NRG3: variants seen among roughly 807,000 people sequenced by gnomAD.
The protein encoded by NRG3 is pro-neuregulin-3, membrane-bound isoform.
Under a neutral mutation model 66.9 loss-of-function variants are expected in NRG3, and 31 were observed. The ratio of observed to expected loss-of-function variants is 0.46; its 90% CI spans 0.35 to 0.63. The LOEUF (loss-of-function observed/expected upper bound fraction) is 0.63. Among genes scored for constraint, NRG3 ranks in the 20% least tolerant of loss-of-function variants. NRG3 has a pLI of 0.00. For missense variants in NRG3, 910 were observed against 878.9 expected, an observed-to-expected ratio of 1.04 and a Z score of -0.45; for synonymous variants, 393 against 359.4, an observed-to-expected ratio of 1.09 and a Z score of -1.06.
At chr10:82,580,577 C>A (rs955097784) in intron 2 of NRG3, among the ~76,000 whole-genome samples, 2 of 151,966 alleles carry the variant, frequency 1.3e-5, no homozygotes, top group African/African-American at 4.8e-5. Context: ...TGGTTCCTGG[C>A]AACTACTGAT....
At chr10:82,143,090 A>G (rs75320015) in intron 1 of NRG3, among the ~76,000 whole-genome samples, 1,523 of 151,788 alleles carry the variant, frequency 0.01, 15 homozygotes, top group Non-Finnish European at 0.014. Context: ...TTTTAATAAC[A>G]CAAAGACCAA....
At chr10:82,416,766 G>C (rs1050613427) in intron 2 of NRG3, among the ~76,000 whole-genome samples, 7 of 152,094 alleles carry the variant, frequency 4.6e-5, no homozygotes, top group Non-Finnish European at 7.3e-5. Flanking sequence ...CCTTTGCGTA[G>C]AGGATACCTG....
intron 2 of NRG3, among the ~76,000 whole-genome samples, chr10:82,502,575 A>G (rs754017974): frequency 5.9e-5 from 9 of 152,300 alleles, no homozygotes; most frequent in Admixed American, 2.6e-4. Flanking sequence ...ATATTTCTAT[A>G]TTTTGGCAAG....
chr10:82,982,044 G>A (rs181131095), intron 8 of NRG3, among the ~76,000 whole-genome samples: 8 of 152,274 alleles, frequency 5.3e-5, no homozygotes, highest in South Asian at 2.1e-4. Context: ...AAAGAGCTGC[G>A]ATTGAATACT....
At chr10:82,928,573 C>G (rs1015094092) in intron 4 of NRG3, among the ~76,000 whole-genome samples, 10 of 150,378 alleles carry the variant, frequency 6.6e-5, no homozygotes, top group Non-Finnish European at 1.2e-4. Flanking sequence ...GCCAGTTCTC[C>G]CAACACCATT....
intron 2 of NRG3, among the ~76,000 whole-genome samples, chr10:82,397,710 C>A (rs1476832309): frequency 6.6e-5 from 10 of 152,072 alleles, no homozygotes; most frequent in African/African-American, 2.2e-4. Flanking sequence ...CCATACTCTC[C>A]CAGGAAATAT....
chr10:82,398,323 G>A (rs1443022500), intron 2 of NRG3, among the ~76,000 whole-genome samples: 1 of 152,152 alleles, frequency 6.6e-6, no homozygotes, highest in Non-Finnish European at 1.5e-5. Flanking sequence ...TTACAATCTA[G>A]GAAGGTTACT....
At chr10:82,075,763 GC>G (rs1417294968) in intron 1 of NRG3, among the ~76,000 whole-genome samples, 1 of 151,898 alleles carries the variant, frequency 6.6e-6, no homozygotes, top group East Asian at 1.9e-4. Flanking sequence ...CATTAAAGTG[GC>G]CCTAGTCCAG....
At chr10:82,336,496 C>G (rs903732036) in intron 1 of NRG3, among the ~76,000 whole-genome samples, 1 of 151,716 alleles carries the variant, frequency 6.6e-6, no homozygotes, top group African/African-American at 2.4e-5. Flanking sequence ...CAAAGACCAC[C>G]ACACCATTAT....
intron 2 of NRG3, among the ~76,000 whole-genome samples, chr10:82,376,579 G>A (rs1261979857): frequency 6.6e-6 from 1 of 152,158 alleles, no homozygotes; most frequent in Admixed American, 6.5e-5. Flanking sequence ...ATTTTCCAGA[G>A]GTGGTCCTTA....
rs1436421083 is a variant in NRG3, at chr10:82,078,512, G to A, written c.823+202349G>A. Among the ~76,000 whole-genome samples, 7 of 152,144 alleles carry A rather than the reference G, an allele frequency of 4.6e-5. No individual in the cohort carries two copies. In the East Asian group the frequency reaches 1.4e-3, roughly 30 times the overall value. On this transcript the variant is annotated intron_variant, in intron 1 of 8. Coordinates refer to ENST00000372141, the MANE Select transcript of NRG3 (RefSeq NM_001010848.4). ...ACTACAGGCACCCGCCACCACACCCGGCTAATTTTTTGTGTTTTTAGTAGA... is the reference window on the plus strand; with the variant it reads ...ACTACAGGCACCCGCCACCACACCCAGCTAATTTTTTGTGTTTTTAGTAGA...
chr10:82,453,925 G>A (rs767573940), intron 2 of NRG3, among the ~76,000 whole-genome samples: 2 of 152,162 alleles, frequency 1.3e-5, no homozygotes, highest in African/African-American at 2.4e-5. Flanking sequence ...TCACAGAAAT[G>A]CTATGGATAT....
intron 1 of NRG3, among the ~76,000 whole-genome samples, chr10:82,237,715 G>A (rs902450130): frequency 2.6e-5 from 4 of 152,116 alleles, no homozygotes; most frequent in African/African-American, 7.2e-5. Context: ...ATTCTGGCCT[G>A]TAAATAGAAA....
chr10:82,759,022 C>T (rs1478973573), intron 3 of NRG3, among the ~76,000 whole-genome samples: 1 of 151,974 alleles, frequency 6.6e-6, no homozygotes, highest in South Asian at 2.1e-4. Flanking sequence ...AAATTTGATC[C>T]CCAATGGGGC....
At chr10:82,210,923 A>G (rs943281611) in intron 1 of NRG3, among the ~76,000 whole-genome samples, 1 of 83,698 alleles carries the variant, frequency 1.2e-5, no homozygotes, top group South Asian at 3.4e-4. Context: ...GGAACTTGGT[A>G]AAAAAAAAAA....
At chr10:82,170,069 T>C (rs928832856) in intron 1 of NRG3, among the ~76,000 whole-genome samples, 1 of 151,996 alleles carries the variant, frequency 6.6e-6, no homozygotes, top group Admixed American at 6.6e-5. Flanking sequence ...GTTCTTTAAT[T>C]CTCTGAACTG....
At chr10:82,927,380 C>T (rs1847108609) in intron 4 of NRG3, among the ~76,000 whole-genome samples, 1 of 152,098 alleles carries the variant, frequency 6.6e-6, no homozygotes, top group Non-Finnish European at 1.5e-5. Flanking sequence ...ACTTTAAGTT[C>T]TGGGATACAT....
At chr10:82,831,064 A>G (rs342375) in intron 3 of NRG3, among the ~76,000 whole-genome samples, 76,160 of 152,018 alleles carry the variant, frequency 0.5, 19,148 homozygotes, top group South Asian at 0.54. Flanking sequence ...CTCAAGACCT[A>G]TTTATGTCCC....
intron 1 of NRG3, among the ~76,000 whole-genome samples, chr10:81,964,574 C>T (rs1363847348): frequency 3.3e-5 from 5 of 152,028 alleles, no homozygotes; most frequent in Admixed American, 3.3e-4. Context: ...GTAAAAATTT[C>T]TGACATTGTT....
Sources: allele counts gnomAD v4.1 joint callset (sites outside exome capture counted in the v4.1 genomes callset), GRCh38; gene constraint gnomAD v4.1.1; transcripts MANE v1.5; gene names NCBI Gene and HGNC (gene_info 2026-07-23, HGNC 2026-07-21).